Variants in THSD7A observed in about 807,000 individuals in gnomAD.
THSD7A encodes thrombospondin type-1 domain-containing protein 7A.
In THSD7A, 96 loss-of-function variants were observed where a neutral mutation model predicts 231.3. The ratio of observed to expected loss-of-function variants is 0.41; its 90% CI spans 0.35 to 0.49. The LOEUF (loss-of-function observed/expected upper bound fraction) is 0.49, where lower values mean the gene tolerates loss of function less well. Among genes scored for constraint, THSD7A ranks in the 20% least tolerant of loss-of-function variants. The probability of loss-of-function intolerance (pLI) is 0.05; values close to 1 mark genes in which losing one functional copy is unlikely to be tolerated. For missense variants in THSD7A, 2,290 were observed against 2,070.2 expected (o/e 1.11, Z -2.06); for synonymous variants, 940 against 743.3 (o/e 1.26, Z -4.30).
chr7:11,564,946 AT>A (rs1353750624), intron 4 of THSD7A, among the ~76,000 whole-genome samples: 4 of 152,194 alleles, frequency 2.6e-5, no homozygotes, highest in Non-Finnish European at 5.9e-5. Context: ...TAGAATTTAA[AT>A]TTCACAAATT....
At chr7:11,484,140 G>T (rs1030924699) in intron 6 of THSD7A, among the ~76,000 whole-genome samples, 1 of 151,818 alleles carries the variant, frequency 6.6e-6, no homozygotes, top group Non-Finnish European at 1.5e-5. Flanking sequence ...CCTCTGTGGA[G>T]CTATTAAGAC....
At chr7:11,525,911 G>A (rs1220886318) in intron 6 of THSD7A, among the ~76,000 whole-genome samples, 1 of 152,138 alleles carries the variant, frequency 6.6e-6, no homozygotes, top group Non-Finnish European at 1.5e-5. Context: ...GAGAACATCA[G>A]CAGCACTGGG....
chr7:11,498,324 G>C (rs887971814), intron 6 of THSD7A, among the ~76,000 whole-genome samples: 3 of 152,194 alleles, frequency 2.0e-5, no homozygotes, highest in Admixed American at 1.3e-4. Flanking sequence ...AGATGTGAAA[G>C]GGATCCACCA....
chr7:11,514,880 G>C (rs74761283), intron 6 of THSD7A, among the ~76,000 whole-genome samples: 6,977 of 152,104 alleles, frequency 0.046, 500 homozygotes, highest in African/African-American at 0.16. Flanking sequence ...CCAAAACTAA[G>C]AACCACTAAT....
intron 1 of THSD7A, among the ~76,000 whole-genome samples, chr7:11,753,140 A>C (rs1323023553): frequency 6.6e-6 from 1 of 152,138 alleles, no homozygotes; most frequent in Admixed American, 6.6e-5. Context: ...ATATCTATTT[A>C]TATATCACTG....
At chr7:11,496,299 G>C (rs770478846) in intron 6 of THSD7A, among the ~76,000 whole-genome samples, 3 of 152,138 alleles carry the variant, frequency 2.0e-5, no homozygotes, top group South Asian at 2.1e-4. Context: ...ATACTATGCT[G>C]TCCCCTCTTA....
chr7:11,501,969 T>C (rs1787356066), intron 6 of THSD7A, among the ~76,000 whole-genome samples: 1 of 151,966 alleles, frequency 6.6e-6, no homozygotes, highest in Admixed American at 6.6e-5. Context: ...CACAGAAATA[T>C]AAGTATGACC....
intron 1 of THSD7A, among the ~76,000 whole-genome samples, chr7:11,807,652 T>G (rs1295399712): frequency 6.6e-6 from 1 of 152,140 alleles, no homozygotes; most frequent in Admixed American, 6.6e-5. Flanking sequence ...TGACTTGAAT[T>G]ATTAATAGCA....
chr7:11,541,236 C>T lies in THSD7A; in HGVS notation c.1822+183G>A, dbSNP rs1486795471. Among the ~76,000 whole-genome samples, 3 of 152,200 alleles carry T rather than the reference C, an allele frequency of 2.0e-5. No homozygotes were observed. In the East Asian group the frequency reaches 5.8e-4, roughly 29 times the overall value. ...TATTCATGGATCCTTCCCACTGCCA[C>T]CATTTCATTAGAACAAAAGAGAAAG... On this transcript the variant is annotated intron_variant, in intron 6 of 27. Transcript: ENST00000423059.
intron 1 of THSD7A, among the ~76,000 whole-genome samples, chr7:11,773,817 A>C (rs1783315382): frequency 6.6e-6 from 1 of 152,194 alleles, no homozygotes; most frequent in Admixed American, 6.5e-5. Flanking sequence ...ATTAAAAATA[A>C]AAAATTGCAC....
At chr7:11,754,647 G>T (rs1782616747) in intron 1 of THSD7A, among the ~76,000 whole-genome samples, 1 of 151,866 alleles carries the variant, frequency 6.6e-6, no homozygotes, top group South Asian at 2.1e-4. Context: ...ACAAATTCTT[G>T]TTATTCTTCA....
At chr7:11,781,257 G>A (rs1184701058) in intron 1 of THSD7A, among the ~76,000 whole-genome samples, 1 of 151,346 alleles carries the variant, frequency 6.6e-6, no homozygotes, top group Non-Finnish European at 1.5e-5. Flanking sequence ...CAAGACCTGG[G>A]CAACAAAGTC....
chr7:11,528,153 G>A (rs897884576), intron 6 of THSD7A, among the ~76,000 whole-genome samples: 2 of 152,140 alleles, frequency 1.3e-5, no homozygotes, highest in African/African-American at 4.8e-5. Context: ...GGGTGACAGA[G>A]TGAGACCCAT....
intron 2 of THSD7A, among the ~76,000 whole-genome samples, chr7:11,614,620 C>T (rs1781044378): frequency 6.6e-6 from 1 of 152,212 alleles, no homozygotes; most frequent in East Asian, 1.9e-4. Flanking sequence ...AAATTGAATA[C>T]ACACAGAAAG....
At chr7:11,556,216 T>C (rs575029692) in intron 4 of THSD7A, among the ~76,000 whole-genome samples, 121 of 151,798 alleles carry the variant, frequency 8.0e-4, no homozygotes, top group African/African-American at 2.8e-3. Context: ...TGAGTGCATG[T>C]CCTTCTATAG....
At chr7:11,615,869 T>C (rs1781087219) in intron 2 of THSD7A, among the ~76,000 whole-genome samples, 1 of 152,188 alleles carries the variant, frequency 6.6e-6, no homozygotes, top group South Asian at 2.1e-4. Context: ...TTGTCTTGTT[T>C]TAATGAAGGA....
chr7:11,540,900 C>T (rs909896437), intron 6 of THSD7A, among the ~76,000 whole-genome samples: 16 of 152,116 alleles, frequency 1.1e-4, no homozygotes, highest in Non-Finnish European at 1.9e-4. Context: ...AGCAAAAGGT[C>T]GGTTCAGGAA....
At chr7:11,707,794 G>A (rs1780818417) in intron 1 of THSD7A, among the ~76,000 whole-genome samples, 1 of 150,722 alleles carries the variant, frequency 6.6e-6, no homozygotes, top group Admixed American at 6.6e-5. Flanking sequence ...AATTCATTCA[G>A]CTTGAGCCAA....
chr7:11,748,459 T>C (rs1782386555), intron 1 of THSD7A, among the ~76,000 whole-genome samples: 1 of 152,006 alleles, frequency 6.6e-6, no homozygotes. Context: ...GTCTAAAAAG[T>C]ATTTGTCACA....
Sources: allele counts gnomAD v4.1 joint callset (sites outside exome capture counted in the v4.1 genomes callset), GRCh38; gene constraint gnomAD v4.1.1; transcripts MANE v1.5; gene names NCBI Gene and HGNC (gene_info 2026-07-23, HGNC 2026-07-21).